Variants in SIRPB1 observed in about 807,000 individuals in gnomAD.
The protein encoded by SIRPB1 is signal regulatory protein beta 1.
Under a neutral mutation model 34.1 loss-of-function variants are expected in SIRPB1, and 28 were observed. The observed-to-expected ratio is 0.82, with a 90% CI of 0.61 to 1.12. SIRPB1 has a LOEUF of 1.12. SIRPB1 is among the 50% of genes most tolerant of loss of function. The pLI is 0.00. For synonymous variants in SIRPB1, 211 were observed against 203.8 expected (o/e 1.04, Z -0.30); for missense variants, 499 against 507.0 (o/e 0.98, Z 0.15).
rs2091086665 is a variant in SIRPB1 at position 1,562,001 on chromosome 20, A to G, written c.*3499T>C. Among the ~76,000 whole-genome samples the G allele has an allele frequency of 6.6e-6, 1 of 152,086 alleles. No homozygotes were observed. The highest frequency in any genetic ancestry group is 1.5e-5 in the Non-Finnish European group (1 of 68,032). ...TATTCAATCATTTATTTATATCAGT[A>G]TGGACTCAGATATTTATTTTATACT... On this transcript the variant is annotated 3_prime_UTR_variant, in exon 6 of 6. Coordinates refer to ENST00000381605, the MANE Select transcript of SIRPB1 (RefSeq NM_006065.5).
At chr20:1,567,324 C>G (rs2091153700) in intron 4 of SIRPB1, among the ~76,000 whole-genome samples, 1 of 152,108 alleles carries the variant, frequency 6.6e-6, no homozygotes, top group Non-Finnish European at 1.5e-5. Context: ...GCCAGCCCTT[C>G]CCCTCAATTT....
intron 1 of SIRPB1, among the ~76,000 whole-genome samples, chr20:1,579,523 G>A (rs1568692730): frequency 6.7e-6 from 1 of 148,604 alleles, no homozygotes; most frequent in South Asian, 2.1e-4. Context: ...ACGAGGCTCT[G>A]ATAGGGCCTG....
At chr20:1,619,347 G>A (rs1160524845) in intron 1 of SIRPB1, among the ~76,000 whole-genome samples, 2 of 152,164 alleles carry the variant, frequency 1.3e-5, no homozygotes, top group African/African-American at 2.4e-5. Flanking sequence ...AGGGGAGGGA[G>A]GAGCATGGGG....
At position 1,601,970 on chromosome 20, in the gene SIRPB1, G is replaced by A. The variant is rs1283455687; in HGVS notation, c.76+17899C>T. On this transcript the variant is annotated intron_variant, in intron 1 of 5. Coordinates refer to ENST00000381605, the MANE Select transcript of SIRPB1 (RefSeq NM_006065.5). The stretch of plus-strand genomic sequence containing the variant: ...GACAAAAAAAATGACACAGAAAAGA[G>A]AAAAAGTCTGTATTCAATAATATAA... 4.2e-5 allele frequency among the ~76,000 whole-genome samples: 2 copies of A among 48,034 alleles called. 1 individual carries two copies. Among genetic ancestry groups the A allele is most frequent in the East Asian group, 1.2e-3 (2 of 1,716 alleles). The allele number at this position is 48,034 out of a possible 152,430, so 31.5% of individuals were successfully genotyped here.
Position 1,609,549 on chromosome 20 carries a change from T to G in SIRPB1, c.76+10320A>C, listed in dbSNP as rs1397903436. 5.5e-5 allele frequency among the ~76,000 whole-genome samples: 4 copies of G among 72,152 alleles called. 2 individuals carry two copies. The highest frequency in any genetic ancestry group is 3.5e-4 in the African/African-American group (4 of 11,284). The allele number at this position is 72,152 out of a possible 152,430, so 47.3% of individuals were successfully genotyped here. A position where few individuals can be genotyped will look rare whatever the true frequency, so the allele number is the denominator to read the frequency against. ...CCCTCACAAATCCTTCTCTAAGAAT[T>G]AATCTCCTTCCTCCTTCTTGTAAGG... On this transcript the variant is annotated intron_variant, in intron 1 of 5. Transcript: ENST00000381605.
chr20:1,618,652 C>G (rs1334811673), intron 1 of SIRPB1, among the ~76,000 whole-genome samples: 2 of 152,178 alleles, frequency 1.3e-5, no homozygotes, highest in Non-Finnish European at 2.9e-5. Flanking sequence ...GACATCACAG[C>G]AGGGCCCAGT....
Position 1,566,253 on chromosome 20 carries a change from G to C in SIRPB1, c.1099C>G (p.Pro367Ala). ...SDITHEAALA[P>A]TAPLLVALLL... is the part of the protein sequence containing the mutation. ...AGAGCTACGAGGAGTGGAGCAGTAG[G>C]AGCCAGCGCTGCTTCTGGAAATCAG... The change falls in exon 5 of 6, where the codon CCT becomes GCT. Residue 367 changes from proline to alanine, a missense_variant. Physicochemically the swap from Pro to Ala is conservative, Grantham distance 27. Coordinates refer to ENST00000381605, the MANE Select transcript of SIRPB1 (RefSeq NM_006065.5). The C allele has an allele frequency of 6.2e-7, 1 of 1,605,768 alleles. No individual in the cohort carries two copies. The highest frequency in any genetic ancestry group is 1.1e-5 in the South Asian group (1 of 89,366).
chr20:1,616,979 A>G (rs1229700862), intron 1 of SIRPB1, among the ~76,000 whole-genome samples: 1 of 152,216 alleles, frequency 6.6e-6, no homozygotes, highest in Admixed American at 6.5e-5. Context: ...AATGCAAATT[A>G]AAACCACAGT....
In SIRPB1 at chr20:1,570,859, A is replaced by T. The variant is rs768117833; in HGVS notation, c.1030T>A (p.Tyr344Asn). Reference protein sequence around the residue: ...HDGQQAVSKSYALEISAHQKE... With the variant: ...HDGQQAVSKSNALEISAHQKE... Reference sequence around the variant, plus strand: ...TGGTGCGCTGAGATCTCCAGGGCATAGCTTTTGCTGACTGCTTGCTGCCCA... The same window carrying T: ...TGGTGCGCTGAGATCTCCAGGGCATTGCTTTTGCTGACTGCTTGCTGCCCA... Residue 344 changes from tyrosine (Y) to asparagine (N), a missense_variant, in exon 4 of 6, where the codon TAT (tyrosine) becomes AAT (asparagine). Physicochemically the swap from Tyr to Asn is moderately radical, Grantham distance 143. Transcript: ENST00000381605. The T allele has an allele frequency of 1.9e-6, 3 of 1,614,182 alleles. No homozygotes were observed. The East Asian group carries it at 6.7e-5, about 36-fold the overall frequency.
rs111975078 is a variant in SIRPB1 at position 1,578,860 on chromosome 20, C to T, written c.77-166G>A. Among the ~76,000 whole-genome samples the T allele has an allele frequency of 3.4e-5, 5 of 148,482 alleles. 2 individuals are homozygous for T. The highest frequency in any genetic ancestry group is 1.3e-4 in the Admixed American group (2 of 15,010). ...TTTAACCCTCACAACTGGCCTGTGA[C>T]GTAAGACTGTAATACAAGCGAGAAC... On this transcript the variant is annotated intron_variant, in intron 1 of 5. Coordinates refer to ENST00000381605, the MANE Select transcript of SIRPB1 (RefSeq NM_006065.5).
At chr20:1,572,364 G>A (rs1479214299) in intron 2 of SIRPB1, among the ~76,000 whole-genome samples, 1 of 151,912 alleles carries the variant, frequency 6.6e-6, no homozygotes. Context: ...TTATTAACTG[G>A]TCCTAGCTGT....
intron 2 of SIRPB1, 101 bp from the exon 3 acceptor site, chr20:1,572,138 A>T: frequency 6.4e-7 from 1 of 1,558,542 alleles, no homozygotes; most frequent in Non-Finnish European, 8.7e-7. Context: ...TTAGTTTTTA[A>T]TCTTTCTAAT....
At chr20:1,613,954 C>A (rs148491649) in intron 1 of SIRPB1, among the ~76,000 whole-genome samples, 185 of 152,296 alleles carry the variant, frequency 1.2e-3, no homozygotes, top group Non-Finnish European at 2.0e-3. Context: ...TATAACCCAA[C>A]TGTTGAAAAC....
chr20:1,567,835 G>A (rs575451617), intron 4 of SIRPB1, among the ~76,000 whole-genome samples: 1 of 152,350 alleles, frequency 6.6e-6, no homozygotes, highest in East Asian at 1.9e-4. Context: ...GAAACTAAGA[G>A]TGATTCATCA....
chr20:1,619,926 A>G lies in SIRPB1; in HGVS notation c.19T>C (p.Trp7Arg), dbSNP rs933141356. 8.7e-6 allele frequency: 14 copies of G among 1,613,802 alleles called. No homozygotes were observed. Among genetic ancestry groups the G allele is most frequent in the Non-Finnish European group, 1.2e-5 (14 of 1,179,856 alleles). The change falls in exon 1 of 6, where the codon TGG (tryptophan) becomes CGG (arginine). Residue 7 changes from tryptophan (W) to arginine (R), a missense_variant. Physicochemically the swap from Trp to Arg is moderately radical, Grantham distance 101. Coordinates refer to ENST00000381605, the MANE Select transcript of SIRPB1 (RefSeq NM_006065.5). MPVPAS[W>R]PHLPSPFLLM... Reference sequence around the variant, plus strand: ...AGGAAAGGACTAGGAAGGTGGGGCCAGGAGGCTGGCACGGGCATTCTGGAG... The same window carrying G: ...AGGAAAGGACTAGGAAGGTGGGGCCGGGAGGCTGGCACGGGCATTCTGGAG...
At chr20:1,617,912 T>C (rs969915361) in intron 1 of SIRPB1, among the ~76,000 whole-genome samples, 7 of 152,174 alleles carry the variant, frequency 4.6e-5, no homozygotes, top group Non-Finnish European at 8.8e-5. Context: ...CACTTACTTA[T>C]ATGCATACAT....
At chr20:1,568,026 T>A (rs147576804) in intron 4 of SIRPB1, among the ~76,000 whole-genome samples, 2 of 152,136 alleles carry the variant, frequency 1.3e-5, no homozygotes, top group Non-Finnish European at 2.9e-5. Context: ...AGGGCCCTGA[T>A]GGGGAAGTTG....
rs762322724 is a variant in SIRPB1 at position 1,572,042 on chromosome 20, A to C, written c.434-5T>G. The C allele has an allele frequency of 4.3e-6, 7 of 1,613,886 alleles. No homozygotes were observed. The Admixed American group carries it at 6.7e-5, about 15-fold the overall frequency. ...CCACGGGGGCAGAGGGTTTGGCTAC[A>C]AAAGGACCATCGATAATCAGGAGAC... On this transcript the variant is annotated splice_polypyrimidine_tract_variant and splice_region_variant and intron_variant, in intron 2 of 5. Coordinates refer to ENST00000381605, the MANE Select transcript of SIRPB1 (RefSeq NM_006065.5).
chr20:1,577,611 G>A (rs772717965), intron 2 of SIRPB1, among the ~76,000 whole-genome samples: 2 of 147,210 alleles, frequency 1.4e-5, no homozygotes, highest in Non-Finnish European at 3.0e-5. Flanking sequence ...GGAGCCCATG[G>A]TAACTCTGTG....
Sources: gnomAD v4.1 joint callset for allele counts (sites outside exome capture counted in the v4.1 genomes callset) on GRCh38, gnomAD v4.1.1 for gene constraint, MANE v1.5 for transcripts, NCBI Gene and HGNC (gene_info 2026-07-23, HGNC 2026-07-21) for gene names.